The following EYS variants were observed in gnomAD, a reference collection of about 807,000 sequenced individuals.
The protein encoded by EYS is EGF-like photoreceptor maintenance factor.
A neutral mutation model predicts 282.1 loss-of-function variants in EYS; 250 were observed. The observed-to-expected ratio is 0.89, with a 90% CI of 0.80 to 0.98. The LOEUF (loss-of-function observed/expected upper bound fraction) is 0.98, where lower values mean the gene tolerates loss of function less well. Among genes scored for constraint, EYS ranks in the 50% least tolerant of loss-of-function variants. The probability of loss-of-function intolerance (pLI) is 0.00; values close to 1 mark genes in which losing one functional copy is unlikely to be tolerated. For synonymous variants in EYS, 1,355 were observed against 1,282.9 expected, an observed-to-expected ratio of 1.06 and a Z score of -1.20; for missense variants, 4,016 against 3,709.0, an observed-to-expected ratio of 1.08 and a Z score of -2.15.
chr6:65,585,689 G>T (rs1250289427), intron 2 of EYS, among the ~76,000 whole-genome samples: 1 of 151,706 alleles, frequency 6.6e-6, no homozygotes, highest in Admixed American at 6.6e-5. Context: ...AGGTTGTCTG[G>T]CATATGAGAC....
intron 12 of EYS, among the ~76,000 whole-genome samples, chr6:65,189,258 A>G (rs1765586422): frequency 6.6e-6 from 1 of 151,732 alleles, no homozygotes; most frequent in African/African-American, 2.4e-5. Context: ...ATATGATTAA[A>G]CTATTCCTTA....
At chr6:65,619,036 G>A (rs1766350722) in intron 2 of EYS, among the ~76,000 whole-genome samples, 1 of 152,042 alleles carries the variant, frequency 6.6e-6, no homozygotes, top group Non-Finnish European at 1.5e-5. Flanking sequence ...GGCGATGCGG[G>A]CTCTTTTTTG....
chr6:63,956,180 C>T (rs1217697968), intron 35 of EYS, among the ~76,000 whole-genome samples: 1 of 152,154 alleles, frequency 6.6e-6, no homozygotes, highest in Admixed American at 6.5e-5. Context: ...TGAGCCCAAG[C>T]CTGCATGTGT....
intron 26 of EYS, among the ~76,000 whole-genome samples, chr6:64,451,265 T>C (rs1429296138): frequency 1.3e-5 from 2 of 152,048 alleles, no homozygotes; most frequent in African/African-American, 4.8e-5. Context: ...CTAGAAGAAA[T>C]GGATAAATTC....
chr6:65,698,100 A>G (rs1490157626), intron 1 of EYS, among the ~76,000 whole-genome samples: 1 of 152,126 alleles, frequency 6.6e-6, no homozygotes, highest in East Asian at 1.9e-4. Flanking sequence ...GGGGGAAGGA[A>G]TGTATTATTT....
chr6:64,203,505 A>G (rs930447059), intron 31 of EYS, among the ~76,000 whole-genome samples: 4 of 152,178 alleles, frequency 2.6e-5, no homozygotes, highest in African/African-American at 4.8e-5. Flanking sequence ...CCCCTAAAGT[A>G]CAGCATCCAC....
chr6:64,732,835 C>G (rs1444616927), intron 22 of EYS, among the ~76,000 whole-genome samples: 1 of 152,102 alleles, frequency 6.6e-6, no homozygotes, highest in Non-Finnish European at 1.5e-5. Flanking sequence ...TCACAACTGC[C>G]AAATCTGATT....
chr6:64,965,426 T>C (rs1365690628), intron 14 of EYS, among the ~76,000 whole-genome samples: 1 of 151,944 alleles, frequency 6.6e-6, no homozygotes, highest in Non-Finnish European at 1.5e-5. Context: ...TATTTTATTT[T>C]TTACATATAG....
chr6:63,779,910 A>G (rs989618516), intron 39 of EYS, among the ~76,000 whole-genome samples: 1 of 151,984 alleles, frequency 6.6e-6, no homozygotes, highest in Non-Finnish European at 1.5e-5. Context: ...CCCCGACCCC[A>G]TGACAGGCCC....
intron 2 of EYS, among the ~76,000 whole-genome samples, chr6:65,562,640 C>T (rs1035954091): frequency 1.3e-5 from 2 of 151,946 alleles, no homozygotes; most frequent in African/African-American, 4.8e-5. Flanking sequence ...AAGTTTGAGG[C>T]AATTTTATTT....
intron 2 of EYS, among the ~76,000 whole-genome samples, chr6:65,556,182 A>C (rs1348585784): frequency 6.6e-6 from 1 of 151,932 alleles, no homozygotes; most frequent in Non-Finnish European, 1.5e-5. Context: ...TAATACTTAA[A>C]CTCTTAAGTT....
In EYS at chr6:64,591,763, T is replaced by TA. The variant is rs1205803331; in HGVS notation, c.4103dup (p.Ser1369IlefsTer18). 4 of 1,551,224 alleles carry TA rather than the reference T, an allele frequency of 2.6e-6. No homozygotes were observed. Among genetic ancestry groups the TA allele is most frequent in the Non-Finnish European group, 3.5e-6 (4 of 1,146,744 alleles). ...CTGAAGTTCGAATAGGCATATGTGA[T>TA]ACCGATGTTTTGTCCTGGACAATTT... On this transcript the variant is annotated frameshift_variant, in exon 26 of 43. Coordinates refer to ENST00000503581, the MANE Select transcript of EYS (RefSeq NM_001142800.2). LOFTEE classifies it high-confidence loss of function.
chr6:63,781,250 A>G (rs1184783330), intron 39 of EYS, among the ~76,000 whole-genome samples: 1 of 152,188 alleles, frequency 6.6e-6, no homozygotes, highest in Non-Finnish European at 1.5e-5. Context: ...TTGGTTCCAT[A>G]TGAACTTTAA....
intron 5 of EYS, among the ~76,000 whole-genome samples, chr6:65,412,199 T>C (rs1380089368): frequency 2.0e-5 from 3 of 152,146 alleles, no homozygotes; most frequent in African/African-American, 7.2e-5. Flanking sequence ...GACCTTGATC[T>C]CTATTGCCCA....
chr6:65,211,263 C>A (rs1207422885), intron 12 of EYS, among the ~76,000 whole-genome samples: 2 of 151,914 alleles, frequency 1.3e-5, no homozygotes, highest in Non-Finnish European at 1.5e-5. Context: ...GCTGCTGATA[C>A]CTTTAAGCAT....
chr6:64,941,199 G>C (rs1053172447), intron 15 of EYS, among the ~76,000 whole-genome samples: 14 of 151,852 alleles, frequency 9.2e-5, no homozygotes, highest in African/African-American at 3.1e-4. Context: ...TGGCTAACAT[G>C]GTGAAACTCC....
chr6:65,405,380 AC>A lies in EYS; in HGVS notation c.863-14del. 1 of 1,567,392 alleles carries A rather than the reference AC, an allele frequency of 6.4e-7. No individual in the cohort carries two copies. Among genetic ancestry groups the A allele is most frequent in the Non-Finnish European group, 8.6e-7 (1 of 1,156,182 alleles). On this transcript the variant is annotated splice_polypyrimidine_tract_variant and intron_variant, in intron 5 of 42. Coordinates refer to ENST00000503581, the MANE Select transcript of EYS (RefSeq NM_001142800.2). ...TCACAGAATGGACCTTAAAAAAATC[AC>A]ACACAAGAAAAAAAAAGAAAAGGAA...
intron 29 of EYS, among the ~76,000 whole-genome samples, chr6:64,324,691 T>A (rs998140044): frequency 3.9e-5 from 6 of 152,184 alleles, no homozygotes; most frequent in African/African-American, 1.4e-4. Flanking sequence ...TTCTTCAATG[T>A]GATGGGACTG....
chr6:63,832,366 A>G (rs1771666549), intron 36 of EYS, among the ~76,000 whole-genome samples: 1 of 152,190 alleles, frequency 6.6e-6, no homozygotes, highest in Non-Finnish European at 1.5e-5. Flanking sequence ...TAGACACAAT[A>G]AAAAATGATG....
Sources: allele counts gnomAD v4.1 joint callset (sites outside exome capture counted in the v4.1 genomes callset), GRCh38; gene constraint gnomAD v4.1.1; transcripts MANE v1.5; gene names NCBI Gene and HGNC (gene_info 2026-07-23, HGNC 2026-07-21).